Variants in LRIG3 observed in about 807,000 individuals in gnomAD.
LRIG3 encodes the protein leucine rich repeats and immunoglobulin like domains 3.
In LRIG3, 76 loss-of-function variants were observed where a neutral mutation model predicts 114.5. The ratio of observed to expected loss-of-function variants is 0.66; its 90% CI spans 0.55 to 0.80. LRIG3 has a LOEUF of 0.80. Ranked by LOEUF, LRIG3 falls within the 30% of genes least tolerant of loss-of-function variation. The pLI is 0.00. For missense variants in LRIG3, 1,239 were observed against 1,382.8 expected (o/e 0.90, Z 1.65); for synonymous variants, 512 against 519.8 (o/e 0.98, Z 0.20).
chr12:58,876,322 T>G, intron 16 of LRIG3, 123 bp downstream of exon 16: 8 of 984,076 alleles, frequency 8.1e-6, no homozygotes, highest in African/African-American at 3.3e-5. Flanking sequence ...ACCTTGCTAG[T>G]GATCTTGGGC....
intron 12 of LRIG3, 119 bp from the exon 13 acceptor site, chr12:58,881,020 G>A: frequency 1.1e-6 from 1 of 925,920 alleles, no homozygotes; most frequent in Non-Finnish European, 1.7e-6. Context: ...CTTTGTGTAT[G>A]TTTTCCAGAT....
chr12:58,889,516 T>G (rs771298320), intron 5 of LRIG3, among the ~76,000 whole-genome samples: 8 of 145,604 alleles, frequency 5.5e-5, no homozygotes, highest in East Asian at 2.0e-4. Flanking sequence ...AGGTGTGGCC[T>G]GGGCAGTGAG....
At chr12:58,910,873 G>A (rs1414501825) in intron 3 of LRIG3, among the ~76,000 whole-genome samples, 1 of 152,116 alleles carries the variant, frequency 6.6e-6, no homozygotes, top group Non-Finnish European at 1.5e-5. Context: ...TCCAATGCTC[G>A]AGCAGGTCAT....
rs543724867 is a variant in LRIG3, at chr12:58,892,374, T to G, written c.384-1578A>C. Reference sequence around the variant, plus strand: ...CACACACTGGTGTTTGTACACGGTCTGCAGTTAATCTTCGATTAAAAAGAA... The same window carrying G: ...CACACACTGGTGTTTGTACACGGTCGGCAGTTAATCTTCGATTAAAAAGAA... On this transcript the variant is annotated intron_variant, in intron 3 of 18. Transcript: ENST00000320743. Among the ~76,000 whole-genome samples the G allele has an allele frequency of 3.3e-5, 5 of 152,364 alleles. No homozygotes were observed. The South Asian group carries it at 1.0e-3, about 32-fold the overall frequency.
At chr12:58,887,754 A>G (rs1467672955) in intron 8 of LRIG3, 35 bp downstream of exon 8, 1 of 1,601,768 alleles carries the variant, frequency 6.2e-7, no homozygotes, top group Non-Finnish European at 8.5e-7. Context: ...GGAACCAATT[A>G]CGTTCGAGTA....
intron 3 of LRIG3, among the ~76,000 whole-genome samples, chr12:58,894,183 G>A (rs1871554604): frequency 6.6e-6 from 1 of 152,178 alleles, no homozygotes; most frequent in Non-Finnish European, 1.5e-5. Flanking sequence ...TTCCTGAACT[G>A]CACACCTCCT....
At position 58,890,215 on chromosome 12, in the gene LRIG3, A is replaced by C; in HGVS notation, c.516-76T>G. ...AAGTGCAGGCCATCTCTGTATTAGA[A>C]GGAGTCTCCAGAGAACTTAACCATC... On this transcript the variant is annotated intron_variant, in intron 4 of 18. Coordinates refer to ENST00000320743, the MANE Select transcript of LRIG3 (RefSeq NM_153377.5). 5 of 1,479,894 alleles carry C rather than the reference A, an allele frequency of 3.4e-6. No homozygotes were observed. The South Asian group carries it at 6.4e-5, about 19-fold the overall frequency. The allele number at this position is 1,479,894 out of a possible 1,614,324, so 91.7% of individuals were successfully genotyped here.
At chr12:58,911,640 C>G (rs1872277077) in intron 3 of LRIG3, among the ~76,000 whole-genome samples, 1 of 152,088 alleles carries the variant, frequency 6.6e-6, no homozygotes, top group South Asian at 2.1e-4. Flanking sequence ...AGTTTTCAAT[C>G]TGTGTCATGT....
intron 3 of LRIG3, among the ~76,000 whole-genome samples, chr12:58,892,462 GCTCTT>G (rs1474542399): frequency 6.6e-6 from 1 of 152,104 alleles, no homozygotes; most frequent in Non-Finnish European, 1.5e-5. Context: ...AGTGTTCTGA[GCTCTT>G]CTGCATTATT....
At chr12:58,897,583 C>CACA (rs996463908) in intron 3 of LRIG3, among the ~76,000 whole-genome samples, 7 of 152,046 alleles carry the variant, frequency 4.6e-5, no homozygotes, top group Non-Finnish European at 8.8e-5. Context: ...TGTCTCTTAA[C>CACA]ACAACAACAA....
rs1871093621 is a variant in LRIG3 at position 58,880,609 on chromosome 12, G to A, written c.1773C>T (p.Tyr591=). The A allele has an allele frequency of 1.2e-6, 2 of 1,613,874 alleles. No individual in the cohort carries two copies. The highest frequency in any genetic ancestry group is 1.3e-5 in the African/African-American group (1 of 75,034). Reference sequence around the variant, plus strand: ...TTACTGTAAGCTTGGCTTTGACAGAGTAGGATGAACCAAAGTGATTGGAGA... The same window carrying A: ...TTACTGTAAGCTTGGCTTTGACAGAATAGGATGAACCAAAGTGATTGGAGA... ...CVISNHFGSS[Y]SVKAKLTVNM... is the part of the protein sequence containing the mutation. Residue 591 remains tyrosine, a synonymous_variant, in exon 13 of 19, where the codon TAC becomes TAT. Coordinates refer to ENST00000320743, the MANE Select transcript of LRIG3 (RefSeq NM_153377.5).
intron 3 of LRIG3, among the ~76,000 whole-genome samples, chr12:58,912,268 G>A (rs544234297): frequency 3.3e-5 from 5 of 152,272 alleles, no homozygotes; most frequent in South Asian, 2.1e-4. Context: ...AGGCCGAGGC[G>A]GGAGGATTAC....
At chr12:58,915,961 G>A (rs1033011718) in intron 1 of LRIG3, among the ~76,000 whole-genome samples, 1 of 152,172 alleles carries the variant, frequency 6.6e-6, no homozygotes, top group Non-Finnish European at 1.5e-5. Context: ...CTTAACTAAA[G>A]AGCATTGAGC....
intron 13 of LRIG3, 25 bp from the exon 14 acceptor site, chr12:58,879,130 C>CATT: frequency 6.3e-7 from 1 of 1,589,906 alleles, no homozygotes; most frequent in Non-Finnish European, 8.6e-7. Context: ...ACAATATAGG[C>CATT]ATTAGCACAG....
At chr12:58,875,065 C>T (rs909667258) in intron 16 of LRIG3, among the ~76,000 whole-genome samples, 2 of 152,274 alleles carry the variant, frequency 1.3e-5, no homozygotes, top group African/African-American at 2.4e-5. Context: ...AGAGATGTCA[C>T]GATGACGCAT....
chr12:58,886,014 A>G, intron 9 of LRIG3, 112 bp from the exon 10 acceptor site: 1 of 480,990 alleles, frequency 2.1e-6, no homozygotes, highest in African/African-American at 2.0e-5. Flanking sequence ...ATTTTCTTCA[A>G]TTAAACAATA....
Position 58,887,922 on chromosome 12 carries a change from A to G in LRIG3, c.958T>C (p.Phe320Leu). 6.2e-7 allele frequency: 1 copy of G among 1,611,528 alleles called. No homozygotes were observed. The highest frequency in any genetic ancestry group is 8.5e-7 in the Non-Finnish European group (1 of 1,178,938). The change falls in exon 8 of 19, where the codon TTC (phenylalanine) becomes CTC (leucine). Residue 320 changes from phenylalanine to leucine, a missense_variant. By Grantham distance (22) the Phe-to-Leu change is conservative. Coordinates refer to ENST00000320743, the MANE Select transcript of LRIG3 (RefSeq NM_153377.5). ...TCATCTAACCTTGATAAGTGATTGA[A>G]AGTTAGGTCCCTGTAAAGAAAAAAG... ...CQKLSELDLT[F>L]NHLSRLDDSS...
Position 58,891,367 on chromosome 12 carries a change from CA to C in LRIG3, c.384-572del, listed in dbSNP as rs545153444. 4.7e-4 allele frequency among the ~76,000 whole-genome samples: 72 copies of C among 152,188 alleles called. 1 individual carries two copies. The South Asian group carries it at 0.014, about 30-fold the overall frequency. ...AAGCAATCCTCCAGCCTCAGCCTCC[CA>C]AAGTGCTAGGATTACAGGTGTGAGC... On this transcript the variant is annotated intron_variant, in intron 3 of 18. Transcript: ENST00000320743.
At chr12:58,915,682 T>C (rs1872454435) in intron 1 of LRIG3, among the ~76,000 whole-genome samples, 1 of 152,200 alleles carries the variant, frequency 6.6e-6, no homozygotes, top group African/African-American at 2.4e-5. Flanking sequence ...CTTTAAACTA[T>C]AAAAATCCTG....
Sources: allele counts gnomAD v4.1 joint callset (sites outside exome capture counted in the v4.1 genomes callset), GRCh38; gene constraint gnomAD v4.1.1; transcripts MANE v1.5; gene names NCBI Gene and HGNC (gene_info 2026-07-23, HGNC 2026-07-21).